RARB: variants seen among roughly 807,000 people sequenced by gnomAD.
RARB encodes the protein retinoic acid receptor beta.
In RARB, 17 loss-of-function variants were observed where a neutral mutation model predicts 51.9. The observed-to-expected ratio is 0.33, with a 90% CI of 0.22 to 0.49. The LOEUF (loss-of-function observed/expected upper bound fraction) is 0.49. Ranked by LOEUF, RARB falls within the 20% of genes least tolerant of loss-of-function variation. The pLI, the probability that RARB is intolerant of heterozygous loss-of-function variation, is 0.99. For missense variants in RARB, 369 were observed against 550.8 expected (o/e 0.67, Z 3.30); for synonymous variants, 215 against 195.4 (o/e 1.10, Z -0.84).
At chr3:25,069,664 C>A (rs927897312) in intron 3 of RARB, among the ~76,000 whole-genome samples, 2 of 152,146 alleles carry the variant, frequency 1.3e-5, no homozygotes, top group African/African-American at 4.8e-5. Flanking sequence ...TATACACTGT[C>A]ACAGCGTTTT....
At chr3:24,954,172 T>C (rs1386063749) in intron 2 of RARB, among the ~76,000 whole-genome samples, 1 of 152,182 alleles carries the variant, frequency 6.6e-6, no homozygotes, top group Non-Finnish European at 1.5e-5. Context: ...TCCTGCCAGA[T>C]TGTGAGGCCA....
At chr3:25,344,085 C>T (rs1322791068) in intron 5 of RARB, among the ~76,000 whole-genome samples, 2 of 152,148 alleles carry the variant, frequency 1.3e-5, no homozygotes, top group Non-Finnish European at 1.5e-5. Context: ...CAATGTACTC[C>T]AGAAACTTTC....
intron 2 of RARB, among the ~76,000 whole-genome samples, chr3:24,874,151 G>A (rs1164685592): frequency 1.3e-5 from 2 of 151,932 alleles, no homozygotes; most frequent in Non-Finnish European, 2.9e-5. Flanking sequence ...GAGGGTCCTG[G>A]AACCAATACC....
At chr3:24,859,789 T>C (rs1702712385) in intron 2 of RARB, among the ~76,000 whole-genome samples, 1 of 152,236 alleles carries the variant, frequency 6.6e-6, no homozygotes, top group Non-Finnish European at 1.5e-5. Flanking sequence ...GTCTGTCACA[T>C]GACTCAATTC....
At chr3:24,858,830 A>G (rs563950644) in intron 2 of RARB, 3 of 152,144 alleles carry the variant, frequency 2.0e-5, no homozygotes, top group South Asian at 2.1e-4. Context: ...TGAGGTTAGG[A>G]GTTCGAGACC....
At chr3:25,254,003 G>T (rs972067229) in intron 5 of RARB, among the ~76,000 whole-genome samples, 1 of 152,144 alleles carries the variant, frequency 6.6e-6, no homozygotes, top group African/African-American at 2.4e-5. Context: ...CATATACAGT[G>T]CTTTCTAGTA....
At chr3:25,185,927 A>G (rs573372247) in intron 5 of RARB, among the ~76,000 whole-genome samples, 10 of 152,258 alleles carry the variant, frequency 6.6e-5, no homozygotes, top group Admixed American at 3.3e-4. Context: ...CATCTTTAGT[A>G]CTTGTCACAG....
intron 5 of RARB, among the ~76,000 whole-genome samples, chr3:25,222,155 C>T (rs575184154): frequency 7.2e-5 from 11 of 152,284 alleles, no homozygotes; most frequent in South Asian, 4.1e-4. Flanking sequence ...TAAGGTGTTA[C>T]TCCGGAGGCA....
At chr3:25,019,004 T>G (rs1401294091) in intron 2 of RARB, among the ~76,000 whole-genome samples, 1 of 152,188 alleles carries the variant, frequency 6.6e-6, no homozygotes, top group African/African-American at 2.4e-5. Flanking sequence ...GGCTTGAAAT[T>G]ATAGCCTGTT....
intron 5 of RARB, among the ~76,000 whole-genome samples, chr3:25,307,450 T>C (rs1261459118): frequency 6.6e-6 from 1 of 152,144 alleles, no homozygotes; most frequent in African/African-American, 2.4e-5. Context: ...TGTGATTGCA[T>C]GGTTACTGCC....
chr3:25,110,239 C>T (rs1249129963), intron 3 of RARB, among the ~76,000 whole-genome samples: 1 of 152,174 alleles, frequency 6.6e-6, no homozygotes, highest in Non-Finnish European at 1.5e-5. Flanking sequence ...TTAGTTTACG[C>T]TTGTTTATAG....
Position 25,596,581 on chromosome 3 carries a change from A to C in RARB, c.1312A>C (p.Asn438His), listed in dbSNP as rs1321143569. 6.2e-7 allele frequency: 1 copy of C among 1,611,572 alleles called. No homozygotes were observed. Residue 438 changes from asparagine (N) to histidine (H), a missense_variant, in exon 8 of 8, where the codon AAC becomes CAC. Transcript: ENST00000330688. ...TAGCATCTCACCCAGCTCAGTGGAA[A>C]ACAGTGGGGTCAGTCAGTCACCACT... ...SPSISPSSVE[N>H]SGVSQSPLVQ
chr3:25,534,698 C>T (rs1318448001), intron 3 of RARB, among the ~76,000 whole-genome samples: 1 of 152,060 alleles, frequency 6.6e-6, no homozygotes, highest in Non-Finnish European at 1.5e-5. Flanking sequence ...TTGTGAAACA[C>T]ATCTAATCAC....
At chr3:25,442,580 C>G (rs1708747190) in intron 1 of RARB, among the ~76,000 whole-genome samples, 1 of 152,056 alleles carries the variant, frequency 6.6e-6, no homozygotes, top group Non-Finnish European at 1.5e-5. Flanking sequence ...TCCCTTCAGC[C>G]TTTACTCTTC....
intron 5 of RARB, among the ~76,000 whole-genome samples, chr3:25,254,608 G>A (rs1380762980): frequency 6.6e-6 from 1 of 151,768 alleles, no homozygotes; most frequent in Non-Finnish European, 1.5e-5. Context: ...GGGGTCGGGG[G>A]GTGCTATTGA....
chr3:25,387,469 A>C (rs73820463), intron 5 of RARB, among the ~76,000 whole-genome samples: 3,044 of 152,208 alleles, frequency 0.02, 107 homozygotes, highest in African/African-American at 0.07. Flanking sequence ...AAAAGGAGAA[A>C]AAACTGGCTT....
chr3:25,232,536 T>A lies in RARB; in HGVS notation c.178+57961T>A, dbSNP rs976708535. On this transcript the variant is annotated intron_variant, in intron 5 of 11. Transcript: ENST00000383772. ...ACTTATGATTTATTTAGGGTTTTTT[T>A]ATTTCTTTGGCCAACGTTTTGTCAT... Among the ~76,000 whole-genome samples the A allele has an allele frequency of 2.0e-5, 3 of 152,308 alleles. No homozygotes were observed. The East Asian group carries it at 5.8e-4, about 29-fold the overall frequency.
chr3:25,149,355 A>G (rs1425240587), intron 4 of RARB, among the ~76,000 whole-genome samples: 1 of 152,230 alleles, frequency 6.6e-6, no homozygotes, highest in Non-Finnish European at 1.5e-5. Flanking sequence ...TTGCAGTAAT[A>G]TATTTATGTA....
intron 3 of RARB, among the ~76,000 whole-genome samples, chr3:25,107,210 T>C (rs570001391): frequency 3.9e-5 from 6 of 152,270 alleles, no homozygotes; most frequent in Non-Finnish European, 8.8e-5. Flanking sequence ...CCCTTCTGCC[T>C]TTTCCTTTGC....
Sources: gnomAD v4.1 joint callset for allele counts (sites outside exome capture counted in the v4.1 genomes callset) on GRCh38, gnomAD v4.1.1 for gene constraint, MANE v1.5 for transcripts, NCBI Gene and HGNC (gene_info 2026-07-23, HGNC 2026-07-21) for gene names.